Variants in NCOR2 observed in about 807,000 individuals in gnomAD.
The protein encoded by NCOR2 is nuclear receptor corepressor 2.
NCOR2 carries 81 observed loss-of-function variants against 262.9 expected under a neutral mutation model. That is an observed-to-expected ratio of 0.31 (90% confidence interval 0.26 to 0.37). The LOEUF (loss-of-function observed/expected upper bound fraction) is 0.37, where lower values mean the gene tolerates loss of function less well. Ranked by LOEUF, NCOR2 falls within the 10% of genes least tolerant of loss-of-function variation. NCOR2 has a pLI of 1.00. For synonymous variants in NCOR2, 1,659 were observed against 1,559.3 expected (o/e 1.06, Z -1.51); for missense variants, 3,385 against 3,621.4 (o/e 0.93, Z 1.68).
At chr12:124,557,361 G>A (rs574059081) in intron 1 of NCOR2, among the ~76,000 whole-genome samples, 9 of 152,206 alleles carry the variant, frequency 5.9e-5, no homozygotes, top group Non-Finnish European at 1.0e-4. Context: ...GAGGCTCTGC[G>A]GGGGAGTCTG....
chr12:124,353,605 A>T (rs112288905), intron 27 of NCOR2, among the ~76,000 whole-genome samples: 3,283 of 152,312 alleles, frequency 0.022, 126 homozygotes, highest in African/African-American at 0.074. Flanking sequence ...CACCAGCTGC[A>T]AGGCTGGGGC....
rs946356547 is a variant in NCOR2, at chr12:124,548,891, T to G, written c.-164-13280A>C. On this transcript the variant is annotated intron_variant, in intron 1 of 32. Transcript: ENST00000458234. This position sits in a 1 kb window ranked among gnomAD's most constrained non-coding sequence, Gnocchi z 5.1. ...CCCCCAGCACTGCAGGGCTCTGATC[T>G]GCTTTCTCGCGAATCCACGCTTACT... Among the ~76,000 whole-genome samples the G allele has an allele frequency of 1.3e-5, 2 of 152,188 alleles. No homozygotes were observed. The highest frequency in any genetic ancestry group is 2.4e-5 in the African/African-American group (1 of 41,452).
chr12:124,391,506 G>A (rs1001312947), intron 16 of NCOR2, among the ~76,000 whole-genome samples: 5 of 152,196 alleles, frequency 3.3e-5, no homozygotes, highest in Non-Finnish European at 5.9e-5. Flanking sequence ...CCCTGGCGGG[G>A]GGGGGGTTCC....
chr12:124,355,523 G>A (rs530717643), exon 24 of NCOR2: 9 of 1,602,528 alleles, frequency 5.6e-6, no homozygotes, highest in South Asian at 2.2e-5. Flanking sequence ...GGGTGGGCGC[G>A]GCAGGACGGG....
chr12:124,370,295 C>T (rs1486848094), intron 20 of NCOR2, among the ~76,000 whole-genome samples: 1 of 152,236 alleles, frequency 6.6e-6, no homozygotes, highest in Non-Finnish European at 1.5e-5. Flanking sequence ...CACGCATGGG[C>T]GCGGTTCCTG....
chr12:124,466,317 G>C (rs376661233), intron 4 of NCOR2, 31 bp from the exon 7 acceptor site: 1 of 1,587,442 alleles, frequency 6.3e-7, no homozygotes, highest in Admixed American at 1.7e-5. Context: ...TGAGGGATGA[G>C]CACCCCAGCG....
chr12:124,335,159 C>T, exon 40 of NCOR2: 2 of 1,612,088 alleles, frequency 1.2e-6, no homozygotes, highest in African/African-American at 1.3e-5. Flanking sequence ...CCAGGGTGAC[C>T]ACCCGCTGGT....
chr12:124,532,045 AC>A (rs1026519943), intron 1 of NCOR2, among the ~76,000 whole-genome samples: 4 of 152,162 alleles, frequency 2.6e-5, no homozygotes, highest in African/African-American at 9.6e-5. Flanking sequence ...CTGCTGCTGC[AC>A]CCTGGGGATG....
At chr12:124,543,235 C>T (rs375618385) in intron 1 of NCOR2, among the ~76,000 whole-genome samples, 1 of 152,204 alleles carries the variant, frequency 6.6e-6, no homozygotes, top group Non-Finnish European at 1.5e-5. Context: ...CAACCCCGTG[C>T]CCTGCCCAGG....
At chr12:124,390,232 A>G (rs1323502492) in intron 16 of NCOR2, among the ~76,000 whole-genome samples, 1 of 152,138 alleles carries the variant, frequency 6.6e-6, no homozygotes, top group Admixed American at 6.5e-5. Context: ...AAAATCTTCC[A>G]GTGACCACAT....
intron 1 of NCOR2, among the ~76,000 whole-genome samples, chr12:124,543,483 C>T (rs2051442511): frequency 6.6e-6 from 1 of 152,196 alleles, no homozygotes; most frequent in African/African-American, 2.4e-5. Context: ...CAGTGAGGGG[C>T]GGGGAGACGG....
At chr12:124,371,585 A>G (rs1025907432) in intron 20 of NCOR2, among the ~76,000 whole-genome samples, 1 of 152,212 alleles carries the variant, frequency 6.6e-6, no homozygotes, top group Non-Finnish European at 1.5e-5. Flanking sequence ...AGCAGCGGCC[A>G]GGAGCTGGAA....
intron 38 of NCOR2, 200 bp from the exon 41 acceptor site, chr12:124,335,832 G>C: frequency 1.7e-6 from 1 of 596,020 alleles, no homozygotes; most frequent in South Asian, 2.2e-5. Context: ...GAGGTGGAGA[G>C]AGATGCAGAG....
chr12:124,334,556 G>C, exon 41 of NCOR2: 1 of 1,417,520 alleles, frequency 7.1e-7, no homozygotes, highest in Non-Finnish European at 9.2e-7. Context: ...GTAGAGGGGG[G>C]CGGGCAGGGG....
intron 1 of NCOR2, among the ~76,000 whole-genome samples, chr12:124,500,844 T>A (rs949612441): frequency 6.6e-6 from 1 of 151,356 alleles, no homozygotes; most frequent in South Asian, 2.1e-4. Context: ...CGGGGGCTGG[T>A]GGAGGTGTGG....
At chr12:124,550,170 C>CG (rs2051671409) in intron 1 of NCOR2, among the ~76,000 whole-genome samples, 2 of 151,838 alleles carry the variant, frequency 1.3e-5, no homozygotes. Flanking sequence ...ACCCAACCCC[C>CG]AAAACCCGAA....
In NCOR2 at chr12:124,348,164, C is replaced by T. The variant is rs1290056844; in HGVS notation, c.3985+10G>A. 6.2e-7 allele frequency: 1 copy of T among 1,609,358 alleles called. No individual in the cohort carries two copies. Among genetic ancestry groups the T allele is most frequent in the East Asian group, 2.2e-5 (1 of 44,880 alleles). Reference sequence around the variant, plus strand: ...GGCACCGAGAGATGAAGTCTCCTCCCTGCTATCACCTTCGATGCTGGCTGA... The same window carrying T: ...GGCACCGAGAGATGAAGTCTCCTCCTTGCTATCACCTTCGATGCTGGCTGA... On this transcript the variant is annotated intron_variant, in intron 29 of 46. Transcript: ENST00000405201.
chr12:124,486,689 A>G, intron 1 of NCOR2, 121 bp from the exon 4 acceptor site: 1 of 1,274,568 alleles, frequency 7.8e-7, no homozygotes, highest in Non-Finnish European at 1.0e-6. Context: ...CTAGGCAGAT[A>G]AGCCCAAGTC....
exon 37 of NCOR2, chr12:124,340,135 T>C (rs906000398): frequency 5.6e-6 from 9 of 1,609,742 alleles, no homozygotes; most frequent in Non-Finnish European, 6.8e-6. Flanking sequence ...CTGGTGGGCA[T>C]GGGAGTGGGA....
Sources: gnomAD v4.1 joint callset for allele counts (sites outside exome capture counted in the v4.1 genomes callset) on GRCh38, gnomAD v4.1.1 for gene constraint, Gnocchi (gnomAD v3.1) non-coding constraint, MANE v1.5 for transcripts, NCBI Gene and HGNC (gene_info 2026-07-23, HGNC 2026-07-21) for gene names.